Variants in TBC1D12 observed in about 807,000 individuals in gnomAD.
TBC1D12 encodes the protein TBC1 domain family member 12.
A neutral mutation model predicts 86.7 loss-of-function variants in TBC1D12; 56 were observed. That is an observed-to-expected ratio of 0.65 (90% CI 0.52 to 0.81). TBC1D12 has a LOEUF of 0.81. TBC1D12 is among the 30% of genes least tolerant of loss of function. The probability of loss-of-function intolerance (pLI) is 0.00; values close to 1 mark genes in which losing one functional copy is unlikely to be tolerated. For synonymous variants in TBC1D12, 421 were observed against 411.7 expected, an observed-to-expected ratio of 1.02 and a Z score of -0.27; for missense variants, 1,023 against 1,038.8, an observed-to-expected ratio of 0.98 and a Z score of 0.21.
chr10:94,422,495 T>C (rs2055089027), intron 1 of TBC1D12, among the ~76,000 whole-genome samples: 1 of 152,076 alleles, frequency 6.6e-6, no homozygotes, highest in African/African-American at 2.4e-5. Context: ...GCTGGGTTCA[T>C]GTAGTTTTAA....
chr10:94,438,952 C>T (rs546854092), intron 1 of TBC1D12, among the ~76,000 whole-genome samples: 26 of 152,088 alleles, frequency 1.7e-4, no homozygotes, highest in African/African-American at 5.1e-4. Context: ...TACAGGTTTG[C>T]GCCACCATGC....
At chr10:94,529,384 C>T (rs912221728) in intron 11 of TBC1D12, among the ~76,000 whole-genome samples, 2 of 152,094 alleles carry the variant, frequency 1.3e-5, no homozygotes, top group South Asian at 2.1e-4. Context: ...TTTGGGAGTC[C>T]GAGGCAGGCA....
chr10:94,513,949 T>C (rs1279155419), intron 9 of TBC1D12, among the ~76,000 whole-genome samples: 2 of 151,630 alleles, frequency 1.3e-5, no homozygotes, highest in East Asian at 1.9e-4. Context: ...TTTTTTGTAA[T>C]GAGAGTAATT....
chr10:94,462,460 C>T (rs2055744821), intron 2 of TBC1D12, among the ~76,000 whole-genome samples: 1 of 152,122 alleles, frequency 6.6e-6, no homozygotes, highest in Non-Finnish European at 1.5e-5. Flanking sequence ...ATGTCTTAGA[C>T]ATTGTCAGAT....
In TBC1D12 at chr10:94,476,304, C is replaced by A. The variant is rs909578204; in HGVS notation, c.1211+1521C>A. Among the ~76,000 whole-genome samples the A allele has an allele frequency of 3.9e-5, 6 of 152,228 alleles. 1 individual carries two copies. In the Middle Eastern group the frequency reaches 0.01, roughly 259 times the overall value. ...AGCTGGACTTATTAAGTACATTATT[C>A]TTTTATTCTGGTTACATTCCCTCAT... On this transcript the variant is annotated intron_variant, in intron 3 of 12. Transcript: ENST00000225235.
chr10:94,486,013 T>C (rs1484816628), intron 3 of TBC1D12, among the ~76,000 whole-genome samples: 1 of 152,030 alleles, frequency 6.6e-6, no homozygotes, highest in South Asian at 2.1e-4. Context: ...TTTCTTAGTC[T>C]GGCTAAAGGT....
intron 2 of TBC1D12, among the ~76,000 whole-genome samples, chr10:94,452,653 T>C (rs2055568704): frequency 6.6e-6 from 1 of 152,146 alleles, no homozygotes; most frequent in African/African-American, 2.4e-5. Flanking sequence ...TTCTATTGTC[T>C]GGGAACACCA....
At chr10:94,406,157 A>G (rs1034814255) in intron 1 of TBC1D12, among the ~76,000 whole-genome samples, 2 of 152,158 alleles carry the variant, frequency 1.3e-5, no homozygotes, top group Admixed American at 1.3e-4. Context: ...AGTAGGCAGG[A>G]ATTTTATTTT....
chr10:94,458,522 A>G (rs965543475), intron 2 of TBC1D12, among the ~76,000 whole-genome samples: 1 of 152,174 alleles, frequency 6.6e-6, no homozygotes, highest in African/African-American at 2.4e-5. Flanking sequence ...CCTGACCAAC[A>G]TGGTGAAACT....
intron 4 of TBC1D12, among the ~76,000 whole-genome samples, chr10:94,494,777 C>G (rs1246745469): frequency 1.3e-5 from 2 of 152,174 alleles, no homozygotes; most frequent in African/African-American, 4.8e-5. Context: ...CTCCTGACCT[C>G]AAGTGATCCA....
intron 7 of TBC1D12, chr10:94,508,606 C>G (rs1006764669): frequency 1.3e-5 from 2 of 152,104 alleles, no homozygotes; most frequent in Non-Finnish European, 2.9e-5. Context: ...AGAATGTTCA[C>G]TTGGTTCTTT....
chr10:94,499,993 C>T lies in TBC1D12; in HGVS notation c.1413-228C>T, dbSNP rs115845888. Among the ~76,000 whole-genome samples the T allele has an allele frequency of 9.0e-3, 1,367 of 152,262 alleles. 16 individuals carry two copies. The highest frequency in any genetic ancestry group is 0.028 in the African/African-American group (1,149 of 41,556). ...GATTCTCTCATTGACATTTATAAAA[C>T]GCAGTTCCCTTTAGATTACTGTTGC... On this transcript the variant is annotated intron_variant, in intron 5 of 12. Coordinates refer to ENST00000225235, the MANE Select transcript of TBC1D12 (RefSeq NM_015188.2).
At chr10:94,441,810 CT>C in intron 1 of TBC1D12, 85 bp from the exon 2 acceptor site, 1 of 1,404,492 alleles carries the variant, frequency 7.1e-7, no homozygotes, top group Non-Finnish European at 9.7e-7. Context: ...TTGTTTTTGC[CT>C]TGGGAACAAA....
At chr10:94,458,565 G>A (rs1371305101) in intron 2 of TBC1D12, among the ~76,000 whole-genome samples, 1 of 152,168 alleles carries the variant, frequency 6.6e-6, no homozygotes, top group African/African-American at 2.4e-5. Flanking sequence ...TGGTCTCGCT[G>A]AGTTCAAGAA....
At chr10:94,405,036 A>G (rs1182411790) in intron 1 of TBC1D12, among the ~76,000 whole-genome samples, 1 of 148,922 alleles carries the variant, frequency 6.7e-6, no homozygotes, top group Non-Finnish European at 1.5e-5. Context: ...AATAAGAGCT[A>G]GACTTCTCTC....
At chr10:94,457,671 TGTTA>T (rs1175713844) in intron 2 of TBC1D12, among the ~76,000 whole-genome samples, 1 of 152,250 alleles carries the variant, frequency 6.6e-6, no homozygotes, top group Non-Finnish European at 1.5e-5. Flanking sequence ...TGTTACTGTT[TGTTA>T]GTTGTTGCCT....
chr10:94,483,888 T>A (rs1171820981), intron 3 of TBC1D12, among the ~76,000 whole-genome samples: 2 of 152,256 alleles, frequency 1.3e-5, no homozygotes, highest in Non-Finnish European at 2.9e-5. Context: ...CCCAGTGTTT[T>A]CTTCTGGTAG....
chr10:94,514,344 G>C (rs1028087692), intron 9 of TBC1D12, among the ~76,000 whole-genome samples: 7 of 152,170 alleles, frequency 4.6e-5, no homozygotes, highest in Non-Finnish European at 1.0e-4. Flanking sequence ...CTGGGCGATA[G>C]AGTGAGACCC....
rs755641353 is a variant in TBC1D12, at chr10:94,511,580, A to G, written c.1690-3A>G. The G allele has an allele frequency of 6.2e-7, 1 of 1,601,758 alleles. No homozygotes were observed. Among genetic ancestry groups the G allele is most frequent in the South Asian group, 1.1e-5 (1 of 90,596 alleles). On this transcript the variant is annotated splice_region_variant and splice_polypyrimidine_tract_variant and intron_variant, in intron 8 of 12. Transcript: ENST00000225235. ...GTTTCAAATTTCATTTTTCTCTCCT[A>G]AGGGTGGTCCATATCATGATGTCTT... is the stretch of plus-strand genomic sequence containing the variant.
Sources: gnomAD v4.1 joint callset for allele counts (sites outside exome capture counted in the v4.1 genomes callset) on GRCh38, gnomAD v4.1.1 for gene constraint, MANE v1.5 for transcripts, NCBI Gene and HGNC (gene_info 2026-07-23, HGNC 2026-07-21) for gene names.